The following KIRREL3 variants were observed in gnomAD, a reference collection of about 807,000 sequenced individuals.
KIRREL3 encodes the protein kin of IRRE-like protein 3.
KIRREL3 carries 36 observed loss-of-function variants against 89.7 expected under a neutral mutation model. That is an observed-to-expected ratio of 0.40 (90% CI 0.31 to 0.53). The LOEUF (loss-of-function observed/expected upper bound fraction) is 0.53, where lower values mean the gene tolerates loss of function less well. KIRREL3 is among the 20% of genes least tolerant of loss of function. The pLI, the probability that KIRREL3 is intolerant of heterozygous loss-of-function variation, is 0.49. For synonymous variants in KIRREL3, 445 were observed against 441.4 expected (o/e 1.01, Z -0.10); for missense variants, 864 against 1,056.6 (o/e 0.82, Z 2.53).
chr11:126,577,939 C>A (rs1161173576), intron 1 of KIRREL3, among the ~76,000 whole-genome samples: 2 of 152,116 alleles, frequency 1.3e-5, no homozygotes, highest in Non-Finnish European at 2.9e-5. Flanking sequence ...AAGGATTCCC[C>A]CTTTAGCACC....
chr11:126,827,956 A>G (rs964615571), intron 1 of KIRREL3, among the ~76,000 whole-genome samples: 1 of 152,124 alleles, frequency 6.6e-6, no homozygotes, highest in African/African-American at 2.4e-5. Flanking sequence ...CTTGGATCCA[A>G]TCTTAGTGGA....
intron 1 of KIRREL3, among the ~76,000 whole-genome samples, chr11:126,960,829 C>T (rs544895086): frequency 2.0e-5 from 3 of 152,074 alleles, no homozygotes; most frequent in Non-Finnish European, 4.4e-5. Context: ...AGGTTTGTGG[C>T]AACCCTCTGT....
In KIRREL3 at chr11:126,867,344, C is replaced by T. The variant is rs544826399; in HGVS notation, c.55+133111G>A. Among the ~76,000 whole-genome samples the T allele has an allele frequency of 1.2e-4, 18 of 152,194 alleles. No homozygotes were observed. Among genetic ancestry groups the T allele is most frequent in the South Asian group, 2.1e-4 (1 of 4,830 alleles). ...TGCACTCCAATGGGTCCAGGTGCCTCGAGGTTCTACACACGGCCTGCCTTA... is the reference window on the plus strand; with the variant it reads ...TGCACTCCAATGGGTCCAGGTGCCTTGAGGTTCTACACACGGCCTGCCTTA... On this transcript the variant is annotated intron_variant, in intron 1 of 16. Coordinates refer to ENST00000525144, the MANE Select transcript of KIRREL3 (RefSeq NM_032531.4). This position sits in a 1 kb window ranked among gnomAD's most constrained non-coding sequence, Gnocchi z 4.7.
chr11:126,712,420 G>A (rs903178745), intron 1 of KIRREL3, among the ~76,000 whole-genome samples: 3 of 152,182 alleles, frequency 2.0e-5, no homozygotes, highest in African/African-American at 4.8e-5. Flanking sequence ...GTGCTGTGCC[G>A]GCGAAAGGCC....
intron 1 of KIRREL3, among the ~76,000 whole-genome samples, chr11:126,777,576 C>T (rs1053345561): frequency 7.2e-5 from 11 of 152,182 alleles, no homozygotes; most frequent in African/African-American, 2.7e-4. Flanking sequence ...CCTCTTTCCC[C>T]ACCATGTGTT....
Position 126,627,183 on chromosome 11 carries a change from G to T in KIRREL3, c.56-64271C>A, listed in dbSNP as rs1943827531. ...TCAATATAAGCATAAGGAGGTGGAGGTGAGAGAATTTCAGACTGAGGAACT... is the reference window on the plus strand; with the variant it reads ...TCAATATAAGCATAAGGAGGTGGAGTTGAGAGAATTTCAGACTGAGGAACT... On this transcript the variant is annotated intron_variant, in intron 1 of 16. Transcript: ENST00000525144. This position sits in a 1 kb window ranked among gnomAD's most constrained non-coding sequence, Gnocchi z 5.0. Among the ~76,000 whole-genome samples the T allele has an allele frequency of 6.6e-6, 1 of 152,160 alleles. No homozygotes were observed. Among genetic ancestry groups the T allele is most frequent in the African/African-American group, 2.4e-5 (1 of 41,430 alleles).
intron 1 of KIRREL3, among the ~76,000 whole-genome samples, chr11:126,632,241 T>A (rs1944057977): frequency 6.6e-6 from 1 of 152,234 alleles, no homozygotes; most frequent in South Asian, 2.1e-4. Flanking sequence ...ATTTCTCTAA[T>A]CAGGGCTCTT....
In KIRREL3 at chr11:126,987,252, TGTGA is replaced by T; in HGVS notation, c.55+13199_55+13202del. On this transcript the variant is annotated intron_variant, in intron 1 of 16. Transcript: ENST00000525144. This position sits in a 1 kb window ranked among gnomAD's most constrained non-coding sequence, Gnocchi z 4.6. The stretch of plus-strand genomic sequence containing the variant: ...ACAAAGATTCCTTTTCCATTGCAAT[TGTGA>T]GTGAGCAAATCTAGCAGAGTCTATA... 6.6e-6 allele frequency among the ~76,000 whole-genome samples: 1 copy of T among 152,136 alleles called. No individual in the cohort carries two copies. The highest frequency in any genetic ancestry group is 1.5e-5 in the Non-Finnish European group (1 of 68,028).
rs553677004 is a variant in KIRREL3, at chr11:126,541,104, C to T, written c.134-14417G>A. Among the ~76,000 whole-genome samples the T allele has an allele frequency of 7.2e-5, 11 of 152,294 alleles. No individual in the cohort carries two copies. Among genetic ancestry groups the T allele is most frequent in the South Asian group, 2.1e-4 (1 of 4,824 alleles). ...ATCAACCCCTCTCAGAGGGCGTCAG[C>T]GTGGGCACCACCAGGAGAGGCTGGA... is the stretch of plus-strand genomic sequence containing the variant. On this transcript the variant is annotated intron_variant, in intron 2 of 16. Coordinates refer to ENST00000525144, the MANE Select transcript of KIRREL3 (RefSeq NM_032531.4). The surrounding 1 kb of genome is among the most constrained non-coding windows in gnomAD (Gnocchi z 4.8).
At position 126,462,338 on chromosome 11, in the gene KIRREL3, C is replaced by G. The variant is rs1287894736; in HGVS notation, c.742+819G>C. ...GTGCCTCAGTTTCCCACGGTAGGGA[C>G]CACAGTTGCACCTTCTCCAAACAGT... is the stretch of plus-strand genomic sequence containing the variant. On this transcript the variant is annotated intron_variant, in intron 6 of 16. Coordinates refer to ENST00000525144, the MANE Select transcript of KIRREL3 (RefSeq NM_032531.4). The surrounding 1 kb of genome is among the most constrained non-coding windows in gnomAD (Gnocchi z 4.8). 6.6e-6 allele frequency among the ~76,000 whole-genome samples: 1 copy of G among 152,138 alleles called. No individual in the cohort carries two copies. Among genetic ancestry groups the G allele is most frequent in the Non-Finnish European group, 1.5e-5 (1 of 68,028 alleles).
intron 1 of KIRREL3, among the ~76,000 whole-genome samples, chr11:126,911,098 G>A (rs566543254): frequency 6.6e-6 from 1 of 152,214 alleles, no homozygotes; most frequent in Non-Finnish European, 1.5e-5. Context: ...CAGGAGGGAA[G>A]CAAGAAGCAG....
intron 1 of KIRREL3, among the ~76,000 whole-genome samples, chr11:126,932,901 T>C (rs1392565176): frequency 1.3e-5 from 2 of 152,234 alleles, no homozygotes; most frequent in Non-Finnish European, 2.9e-5. Context: ...CACATAGCCA[T>C]AATAGCCAAT....
chr11:126,497,204 G>A (rs1350578535), intron 4 of KIRREL3, among the ~76,000 whole-genome samples: 2 of 34,672 alleles, frequency 5.8e-5, no homozygotes, highest in African/African-American at 1.2e-4. Context: ...GTGTGTGTGA[G>A]TGTGAGTGTG....
chr11:126,942,313 CTG>C (rs1168191866), intron 1 of KIRREL3, among the ~76,000 whole-genome samples: 1 of 152,160 alleles, frequency 6.6e-6, no homozygotes, highest in East Asian at 1.9e-4. Context: ...ACGGTAAACA[CTG>C]AGTATCTTTA....
At chr11:126,784,801 TA>T (rs1476199468) in intron 1 of KIRREL3, among the ~76,000 whole-genome samples, 16 of 152,336 alleles carry the variant, frequency 1.1e-4, no homozygotes, top group African/African-American at 3.4e-4. Flanking sequence ...CCATTTTACT[TA>T]GCGCTTGTCC....
At chr11:126,855,120 G>GA (rs1359888136) in intron 1 of KIRREL3, among the ~76,000 whole-genome samples, 1 of 152,212 alleles carries the variant, frequency 6.6e-6, no homozygotes, top group Non-Finnish European at 1.5e-5. Context: ...TTGGCTGTCA[G>GA]AGAAACTGCT....
intron 1 of KIRREL3, among the ~76,000 whole-genome samples, chr11:126,759,139 T>C (rs1949594274): frequency 6.6e-6 from 1 of 152,166 alleles, no homozygotes; most frequent in African/African-American, 2.4e-5. Flanking sequence ...GTTGTATCGT[T>C]TGAGACGAAG....
rs1279010114 is a variant in KIRREL3 at position 126,978,670 on chromosome 11, C to T, written c.55+21785G>A. Among the ~76,000 whole-genome samples the T allele has an allele frequency of 1.3e-5, 2 of 152,158 alleles. No individual in the cohort carries two copies. Among genetic ancestry groups the T allele is most frequent in the African/African-American group, 2.4e-5 (1 of 41,436 alleles). On this transcript the variant is annotated intron_variant, in intron 1 of 16. Coordinates refer to ENST00000525144, the MANE Select transcript of KIRREL3 (RefSeq NM_032531.4). This position sits in a 1 kb window ranked among gnomAD's most constrained non-coding sequence, Gnocchi z 4.2. ...CTGCTACTCCCTCTTCTCCTCATCC[C>T]GCTCTCTGCCCATTTTCTTAGCTAA... is the stretch of plus-strand genomic sequence containing the variant.
In KIRREL3 at chr11:126,623,037, T is replaced by C. The variant is rs1032697243; in HGVS notation, c.56-60125A>G. On this transcript the variant is annotated intron_variant, in intron 1 of 16. Coordinates refer to ENST00000525144, the MANE Select transcript of KIRREL3 (RefSeq NM_032531.4). The surrounding 1 kb of genome is among the most constrained non-coding windows in gnomAD (Gnocchi z 4.1). ...GATGCTCAGAACCTAGACTCTTAAT[T>C]ACACTAATATGATATTTACAATTTA... 4.6e-5 allele frequency among the ~76,000 whole-genome samples: 7 copies of C among 152,116 alleles called. No homozygotes were observed. Among genetic ancestry groups the C allele is most frequent in the Admixed American group, 4.6e-4 (7 of 15,262 alleles).
Sources: gnomAD v4.1 joint callset for allele counts (sites outside exome capture counted in the v4.1 genomes callset) on GRCh38, gnomAD v4.1.1 for gene constraint, Gnocchi (gnomAD v3.1) non-coding constraint, MANE v1.5 for transcripts, NCBI Gene and HGNC (gene_info 2026-07-23, HGNC 2026-07-21) for gene names.